The following SGIP1 variants were observed in gnomAD, a reference collection of about 807,000 sequenced individuals.
SGIP1 encodes SH3-containing GRB2-like protein 3-interacting protein 1.
Under a neutral mutation model 107.5 loss-of-function variants are expected in SGIP1, and 38 were observed. That is an observed-to-expected ratio of 0.35 (90% CI 0.27 to 0.46). The LOEUF is 0.46. SGIP1 is among the 20% of genes least tolerant of loss of function. The pLI is 1.00. For synonymous variants in SGIP1, 365 were observed against 366.1 expected (o/e 1.00, Z 0.03); for missense variants, 929 against 1,019.5 (o/e 0.91, Z 1.21).
intron 5 of SGIP1, among the ~76,000 whole-genome samples, chr1:66,641,306 CCTTA>C (rs2076751030): frequency 6.6e-6 from 1 of 152,104 alleles, no homozygotes; most frequent in Non-Finnish European, 1.5e-5. Context: ...ATATTGTACA[CCTTA>C]AATATAGACA....
intron 1 of SGIP1, among the ~76,000 whole-genome samples, chr1:66,594,953 A>G (rs2064332510): frequency 6.6e-6 from 1 of 152,190 alleles, no homozygotes; most frequent in Non-Finnish European, 1.5e-5. Flanking sequence ...TTTCTCTCTC[A>G]GAATGAGATG....
In SGIP1 at chr1:66,750,603, A is replaced by T. The variant is rs1377029327; in HGVS notation, c.*7508A>T. On this transcript the variant is annotated 3_prime_UTR_variant, in exon 25 of 25. Transcript: ENST00000371037. ...TACTTACAAAACTGTGAATTAAAAT[A>T]CTCAAGATACTTTCAAAATTTAGTC... Among the ~76,000 whole-genome samples the T allele has an allele frequency of 6.6e-6, 1 of 152,214 alleles. No homozygotes were observed.
chr1:66,549,099 C>G (rs926546472), intron 1 of SGIP1, among the ~76,000 whole-genome samples: 2 of 152,112 alleles, frequency 1.3e-5, no homozygotes, highest in South Asian at 4.1e-4. Flanking sequence ...GCTGTGCCCC[C>G]CTGGGCAAGC....
intron 1 of SGIP1, among the ~76,000 whole-genome samples, chr1:66,537,826 T>C (rs1031884886): frequency 2.0e-5 from 3 of 152,066 alleles, no homozygotes; most frequent in African/African-American, 2.4e-5. Context: ...GTAAAAATAA[T>C]GCATTGAGGC....
rs187324330 is a variant in SGIP1 at position 66,635,833 on chromosome 1, A to T, written c.100-111A>T. On this transcript the variant is annotated intron_variant, in intron 3 of 24. Coordinates refer to ENST00000371037, the MANE Select transcript of SGIP1 (RefSeq NM_032291.4). ...GTAGGCCGTATGATTTGGCCTAGAG[A>T]TGGTTTCTTCTATGGTATGTTTGCT... The T allele has an allele frequency of 4.8e-3, 5,389 of 1,127,798 alleles. 28 individuals carry two copies. The highest frequency in any genetic ancestry group is 4.8e-3 in the Non-Finnish European group (3,704 of 766,302). 69.9% of individuals were successfully genotyped at this position (1,127,798 alleles called of 1,614,324 possible).
rs2094592030 is a variant in SGIP1 at position 66,749,173 on chromosome 1, C to A, written c.*6078C>A. ...TTTAATTTTTGTATTATTTTTAAGG[C>A]TTGCACCTATGACCAGCATATCAGA... is the stretch of plus-strand genomic sequence containing the variant. On this transcript the variant is annotated 3_prime_UTR_variant, in exon 25 of 25. Coordinates refer to ENST00000371037, the MANE Select transcript of SGIP1 (RefSeq NM_032291.4). Among the ~76,000 whole-genome samples the A allele has an allele frequency of 6.6e-6, 1 of 151,848 alleles. No individual in the cohort carries two copies. Among genetic ancestry groups the A allele is most frequent in the African/African-American group, 2.4e-5 (1 of 41,374 alleles).
chr1:66,648,603 G>A (rs6588214), intron 7 of SGIP1, among the ~76,000 whole-genome samples: 35,460 of 152,050 alleles, frequency 0.23, 4,851 homozygotes, highest in African/African-American at 0.38. Context: ...GAGAGACCTG[G>A]GGTGTCTATG....
chr1:66,667,638 C>A, intron 9 of SGIP1, 97 bp downstream of exon 9: 1 of 1,084,922 alleles, frequency 9.2e-7, no homozygotes, highest in Non-Finnish European at 1.4e-6. Flanking sequence ...TTATGATAAC[C>A]CAGTGTGAAT....
At chr1:66,696,339 A>C (rs1251928396) in intron 18 of SGIP1, among the ~76,000 whole-genome samples, 1 of 152,220 alleles carries the variant, frequency 6.6e-6, no homozygotes, top group Non-Finnish European at 1.5e-5. Flanking sequence ...TATCACATAA[A>C]ATCCTGCTTT....
chr1:66,725,015 C>T (rs756480834), intron 19 of SGIP1, among the ~76,000 whole-genome samples: 3 of 152,152 alleles, frequency 2.0e-5, no homozygotes, highest in Non-Finnish European at 2.9e-5. Flanking sequence ...AATCAAGGTT[C>T]AGAACCAATT....
Position 66,730,464 on chromosome 1 carries a change from A to G in SGIP1, c.1898+1045A>G, listed in dbSNP as rs528715283. Among the ~76,000 whole-genome samples, 3 of 151,010 alleles carry G rather than the reference A, an allele frequency of 2.0e-5. No individual in the cohort carries two copies. The East Asian group carries it at 5.9e-4, about 30-fold the overall frequency. On this transcript the variant is annotated intron_variant, in intron 20 of 24. Transcript: ENST00000371037. ...ATCAAGTCCTGATGTTCATCTACAA[A>G]CCTCTCTCTGAAGTGGCCACTTTTT...
At chr1:66,672,796 T>C (rs1453545351) in intron 11 of SGIP1, among the ~76,000 whole-genome samples, 1 of 152,122 alleles carries the variant, frequency 6.6e-6, no homozygotes, top group Non-Finnish European at 1.5e-5. Context: ...AACTAGTCTA[T>C]TAGAGGATGA....
At chr1:66,714,373 T>G (rs1048940831) in intron 18 of SGIP1, among the ~76,000 whole-genome samples, 1 of 152,178 alleles carries the variant, frequency 6.6e-6, no homozygotes, top group African/African-American at 2.4e-5. Context: ...ATTTGGTAAT[T>G]AATCTTTCAG....
chr1:66,602,478 G>C (rs1397632672), intron 1 of SGIP1, among the ~76,000 whole-genome samples: 2 of 152,134 alleles, frequency 1.3e-5, no homozygotes, highest in Admixed American at 1.3e-4. Context: ...TTCTTCTAGA[G>C]AATGGTGGTA....
chr1:66,625,823 T>C, intron 1 of SGIP1, 24 bp from the exon 2 acceptor site: 5 of 1,608,868 alleles, frequency 3.1e-6, no homozygotes, highest in Non-Finnish European at 4.2e-6. Context: ...AGAGAGTTTT[T>C]GACCCTTTGC....
intron 7 of SGIP1, among the ~76,000 whole-genome samples, chr1:66,659,579 C>T (rs1571368740): frequency 6.6e-6 from 1 of 152,002 alleles, no homozygotes; most frequent in South Asian, 2.1e-4. Context: ...TTTTTATTGT[C>T]AAGCCACAGA....
chr1:66,647,258 C>G (rs764701946), intron 7 of SGIP1, among the ~76,000 whole-genome samples: 6 of 152,196 alleles, frequency 3.9e-5, no homozygotes, highest in Non-Finnish European at 7.3e-5. Flanking sequence ...ACTGCAAGTA[C>G]TTCCATGCAC....
intron 1 of SGIP1, among the ~76,000 whole-genome samples, chr1:66,568,998 C>G (rs569670801): frequency 6.6e-6 from 1 of 151,838 alleles, no homozygotes; most frequent in African/African-American, 2.4e-5. Context: ...ATAAAAAGAC[C>G]TCAGCAATAT....
At chr1:66,663,354 T>C (rs547827362) in intron 8 of SGIP1, among the ~76,000 whole-genome samples, 3 of 152,272 alleles carry the variant, frequency 2.0e-5, no homozygotes, top group South Asian at 2.1e-4. Context: ...ATTCTGTATA[T>C]TGGTAAACAA....
Sources: gnomAD v4.1 joint callset for allele counts (sites outside exome capture counted in the v4.1 genomes callset) on GRCh38, gnomAD v4.1.1 for gene constraint, MANE v1.5 for transcripts, NCBI Gene and HGNC (gene_info 2026-07-23, HGNC 2026-07-21) for gene names.